RAMP1: variants seen among roughly 807,000 people sequenced by gnomAD.
The protein encoded by RAMP1 is receptor activity modifying protein 1.
RAMP1 carries 7 observed loss-of-function variants against 8.2 expected under a neutral mutation model. The ratio of observed to expected loss-of-function variants is 0.85; its 90% CI spans 0.49 to 1.60. The LOEUF (loss-of-function observed/expected upper bound fraction) is 1.60, where lower values mean the gene tolerates loss of function less well. Among genes scored for constraint, RAMP1 ranks in the 40% most tolerant of loss-of-function variants. RAMP1 has a pLI of 0.00. For missense variants in RAMP1, 192 were observed against 202.4 expected, an observed-to-expected ratio of 0.95 and a Z score of 0.31; for synonymous variants, 92 against 84.7, an observed-to-expected ratio of 1.09 and a Z score of -0.47.
At chr2:237,890,099 G>T (rs185939847) in intron 2 of RAMP1, among the ~76,000 whole-genome samples, 4 of 152,178 alleles carry the variant, frequency 2.6e-5, no homozygotes, top group African/African-American at 9.7e-5. Flanking sequence ...AGGAAGCTCC[G>T]GATTTTCCTC....
At chr2:237,889,097 T>C (rs1251396555) in intron 2 of RAMP1, among the ~76,000 whole-genome samples, 1 of 152,228 alleles carries the variant, frequency 6.6e-6, no homozygotes, top group Non-Finnish European at 1.5e-5. Flanking sequence ...TATTAACTAT[T>C]TGCCATTGTG....
chr2:237,905,207 T>G (rs1017745209), intron 2 of RAMP1, among the ~76,000 whole-genome samples: 1 of 152,198 alleles, frequency 6.6e-6, no homozygotes, highest in Non-Finnish European at 1.5e-5. Context: ...CATGACTATT[T>G]TGGGTCCTTC....
chr2:237,863,937 C>G (rs1204704962), intron 1 of RAMP1, among the ~76,000 whole-genome samples: 1 of 152,094 alleles, frequency 6.6e-6, no homozygotes, highest in Non-Finnish European at 1.5e-5. Context: ...CTCACGGGGA[C>G]AACTGCCCAG....
At chr2:237,859,597 C>T, upstream of RAMP1, 1 of 1,112,454 alleles carries the variant, frequency 9.0e-7, no homozygotes, top group Non-Finnish European at 1.1e-6. Flanking sequence ...GGCGCGTCTC[C>T]TCCGGGCCCG....
At chr2:237,898,517 C>T (rs2062566007) in intron 2 of RAMP1, among the ~76,000 whole-genome samples, 1 of 152,230 alleles carries the variant, frequency 6.6e-6, no homozygotes, top group Admixed American at 6.5e-5. Context: ...GCACAGCTGG[C>T]TCAGAGCCTG....
intron 1 of RAMP1, among the ~76,000 whole-genome samples, chr2:237,873,392 G>A (rs1447354278): frequency 6.6e-6 from 1 of 152,220 alleles, no homozygotes; most frequent in Non-Finnish European, 1.5e-5. Context: ...GATGAGCAGT[G>A]TCCAGGGGTC....
rs557425863 is a variant in RAMP1, at chr2:237,872,364, G to A, written c.53-4860G>A. ...TCTCCCAGGGCCCCTGTGCTCTTGG[G>A]CATTAGTGTGGGGTGGCCAGGTGAC... On this transcript the variant is annotated intron_variant, in intron 1 of 2. Transcript: ENST00000254661. Among the ~76,000 whole-genome samples, 699 of 152,362 alleles carry A rather than the reference G, an allele frequency of 4.6e-3. 11 individuals carry two copies. The highest frequency in any genetic ancestry group is 4.6e-3 in the Non-Finnish European group (310 of 68,034).
chr2:237,895,594 C>T (rs1189993354), intron 2 of RAMP1, among the ~76,000 whole-genome samples: 1 of 152,176 alleles, frequency 6.6e-6, no homozygotes. Flanking sequence ...GAACAGGGAC[C>T]AGCATGGTGC....
Position 237,859,642 on chromosome 2 carries a change from G to A in RAMP1, c.-34G>A. 7.0e-7 allele frequency: 1 copy of A among 1,430,480 alleles called. No homozygotes were observed. The highest frequency in any genetic ancestry group is 9.2e-7 in the Non-Finnish European group (1 of 1,089,042). 88.6% of individuals were successfully genotyped at this position (1,430,480 alleles called of 1,614,324 possible). A position where few individuals can be genotyped will look rare whatever the true frequency, so the allele number is the denominator to read the frequency against. On this transcript the variant is annotated 5_prime_UTR_variant, in exon 1 of 3. Transcript: ENST00000254661. The stretch of plus-strand genomic sequence containing the variant: ...GGGCTCAGTCCTCAGCGGGGCGCGT[G>A]GCGAGCGGACTCGACTCGGCACCGC...
At chr2:237,871,784 C>T (rs1294515954) in intron 1 of RAMP1, among the ~76,000 whole-genome samples, 1 of 152,062 alleles carries the variant, frequency 6.6e-6, no homozygotes, top group Non-Finnish European at 1.5e-5. Context: ...TTCTTTAAGC[C>T]CAGGAAGTCA....
chr2:237,901,431 G>A (rs1691671020), intron 2 of RAMP1, among the ~76,000 whole-genome samples: 1 of 152,224 alleles, frequency 6.6e-6, no homozygotes, highest in South Asian at 2.1e-4. Flanking sequence ...AAATATGATT[G>A]AAGCATCCAG....
chr2:237,896,832 G>A (rs4663268), intron 2 of RAMP1, among the ~76,000 whole-genome samples: 57,676 of 151,342 alleles, frequency 0.38, 13,265 homozygotes, highest in East Asian at 0.58. Flanking sequence ...TTTGTGTAGA[G>A]ATGGGGGAGT....
intron 2 of RAMP1, among the ~76,000 whole-genome samples, chr2:237,909,918 G>C (rs894731931): frequency 2.0e-5 from 3 of 152,098 alleles, no homozygotes; most frequent in African/African-American, 4.8e-5. Context: ...TCCTGGAGCA[G>C]AGGGGACTCC....
intron 1 of RAMP1, among the ~76,000 whole-genome samples, chr2:237,860,648 G>A (rs1421475741): frequency 6.6e-6 from 1 of 152,158 alleles, no homozygotes; most frequent in Non-Finnish European, 1.5e-5. Flanking sequence ...GGAGAACCCA[G>A]TGTCCCTGGG....
intron 2 of RAMP1, among the ~76,000 whole-genome samples, chr2:237,879,989 C>CA (rs35678960): frequency 0.12 from 8,907 of 75,650 alleles, 646 homozygotes; most frequent in Non-Finnish European, 0.15. Context: ...GACTTTGTCT[C>CA]AAAAAAAAAA....
intron 2 of RAMP1, among the ~76,000 whole-genome samples, chr2:237,897,165 G>T (rs551871399): frequency 6.6e-6 from 1 of 152,194 alleles, no homozygotes; most frequent in Admixed American, 6.5e-5. Context: ...CACGGGCCCC[G>T]CCTGGGCCTC....
intron 1 of RAMP1, among the ~76,000 whole-genome samples, chr2:237,871,653 C>G (rs2151005672): frequency 6.6e-6 from 1 of 152,318 alleles, no homozygotes; most frequent in East Asian, 1.9e-4. Context: ...CAGTCGTCCC[C>G]AACTCTCTTG....
intron 2 of RAMP1, among the ~76,000 whole-genome samples, chr2:237,906,818 G>A (rs1213897991): frequency 6.7e-6 from 1 of 149,454 alleles, no homozygotes; most frequent in African/African-American, 2.5e-5. Flanking sequence ...CGCCTCCCAG[G>A]TTCAAGTAAT....
At chr2:237,898,845 C>T (rs2062570214) in intron 2 of RAMP1, among the ~76,000 whole-genome samples, 1 of 152,224 alleles carries the variant, frequency 6.6e-6, no homozygotes, top group Non-Finnish European at 1.5e-5. Context: ...GCGTGGCTCT[C>T]TGTCAACAGA....
Sources: allele counts gnomAD v4.1 joint callset (sites outside exome capture counted in the v4.1 genomes callset), GRCh38; gene constraint gnomAD v4.1.1; transcripts MANE v1.5; gene names NCBI Gene and HGNC (gene_info 2026-07-23, HGNC 2026-07-21).